FTCDNL1: variants seen among roughly 807,000 people sequenced by gnomAD.
FTCDNL1 encodes the protein formiminotransferase cyclodeaminase N-terminal like.
FTCDNL1 carries 11 observed loss-of-function variants against 5.9 expected under a neutral mutation model. The ratio of observed to expected loss-of-function variants is 1.87; its 90% CI spans 1.18 to 3.10. The LOEUF is 3.10. Among genes scored for constraint, FTCDNL1 ranks in the 30% most tolerant of loss-of-function variants. The pLI is 0.00. For synonymous variants in FTCDNL1, 58 were observed against 24.8 expected (o/e 2.34, Z -3.99); for missense variants, 115 against 65.5 (o/e 1.76, Z -2.61).
At chr2:199,844,261 A>T in intron 3 of FTCDNL1, 1 of 419,778 alleles carries the variant, frequency 2.4e-6, no homozygotes, top group Non-Finnish European at 4.3e-6. Flanking sequence ...TTGTTGATAC[A>T]GTTCTTCAAG....
the FTCDNL1 span, among the ~76,000 whole-genome samples, chr2:199,709,893 T>C: frequency 3.3e-5 from 5 of 152,264 alleles, no homozygotes; most frequent in South Asian, 8.3e-4. Flanking sequence ...AATACCTCTT[T>C]TGTAGCCATA....
rs533431029 is a variant in FTCDNL1, at chr2:199,810,208, G to C, written c.*2497C>G. On this transcript the variant is annotated 3_prime_UTR_variant, in exon 5 of 5. Transcript: ENST00000420128. Reference sequence around the variant, plus strand: ...GACAGGCCTAAGAGTCTCAGAGACAGGAGTAAATCACACCTCTGTACCCAC... The same window carrying C: ...GACAGGCCTAAGAGTCTCAGAGACACGAGTAAATCACACCTCTGTACCCAC... Among the ~76,000 whole-genome samples, 69 of 152,198 alleles carry C rather than the reference G, an allele frequency of 4.5e-4. No homozygotes were observed. Among genetic ancestry groups the C allele is most frequent in the African/African-American group, 1.4e-3 (60 of 41,516 alleles).
chr2:199,678,329 T>C, the FTCDNL1 span, among the ~76,000 whole-genome samples: 1 of 152,076 alleles, frequency 6.6e-6, no homozygotes, highest in African/African-American at 2.4e-5. Flanking sequence ...AGATAGATTA[T>C]CTTTTTAGTA....
the FTCDNL1 span, among the ~76,000 whole-genome samples, chr2:199,704,627 G>T: frequency 2.6e-5 from 4 of 152,084 alleles, no homozygotes; most frequent in Admixed American, 6.5e-5. Context: ...AAATGGGAAG[G>T]GAGAAGCACC....
At chr2:199,784,376 C>A (rs956813005) in intron 3 of FTCDNL1, among the ~76,000 whole-genome samples, 4 of 152,250 alleles carry the variant, frequency 2.6e-5, no homozygotes, top group African/African-American at 7.2e-5. Flanking sequence ...GACTGTATGC[C>A]AGGGGCTCTC....
At chr2:199,774,456 T>G (rs1490554346) in intron 3 of FTCDNL1, among the ~76,000 whole-genome samples, 1 of 152,170 alleles carries the variant, frequency 6.6e-6, no homozygotes, top group Non-Finnish European at 1.5e-5. Context: ...TGTCTCATAC[T>G]AGGCCAGGAC....
chr2:199,761,737 T>A (rs368208444), intron 3 of FTCDNL1, among the ~76,000 whole-genome samples: 2 of 152,300 alleles, frequency 1.3e-5, no homozygotes, highest in African/African-American at 4.8e-5. Flanking sequence ...CATGCTGTCT[T>A]CCTGGGTCCT....
At chr2:199,735,115 G>GAAAAAAAAAAAA in the FTCDNL1 span, among the ~76,000 whole-genome samples, 3 of 81,598 alleles carry the variant, frequency 3.7e-5, no homozygotes, top group East Asian at 4.5e-4. Flanking sequence ...ACTACCTTTA[G>GAAAAAAAAAAAA]AAAAAAAAAA....
the FTCDNL1 span, among the ~76,000 whole-genome samples, chr2:199,712,611 C>T: frequency 6.6e-6 from 1 of 152,186 alleles, no homozygotes; most frequent in Non-Finnish European, 1.5e-5. Context: ...CAAATGTAGT[C>T]TCTCCTAGCT....
At chr2:199,709,199 C>T in the FTCDNL1 span, among the ~76,000 whole-genome samples, 1 of 152,040 alleles carries the variant, frequency 6.6e-6, no homozygotes, top group Non-Finnish European at 1.5e-5. Flanking sequence ...TGACCAGATG[C>T]AAAAATCTAT....
At chr2:199,713,995 A>G in the FTCDNL1 span, among the ~76,000 whole-genome samples, 1 of 152,316 alleles carries the variant, frequency 6.6e-6, no homozygotes, top group Non-Finnish European at 1.5e-5. Flanking sequence ...GTGTCCTGTA[A>G]AAAGAGAATG....
chr2:199,677,039 G>A, the FTCDNL1 span, among the ~76,000 whole-genome samples: 6 of 152,202 alleles, frequency 3.9e-5, no homozygotes, highest in Middle Eastern at 3.4e-3. Flanking sequence ...AAGGAACACC[G>A]CTGCTCTGCT....
intron 3 of FTCDNL1, among the ~76,000 whole-genome samples, chr2:199,789,325 A>G (rs1458431947): frequency 2.6e-5 from 4 of 152,180 alleles, no homozygotes; most frequent in African/African-American, 9.6e-5. Flanking sequence ...GTTTAATGGT[A>G]ACAAATACAT....
chr2:199,757,282 G>A (rs565424231), downstream of FTCDNL1, among the ~76,000 whole-genome samples: 9 of 152,148 alleles, frequency 5.9e-5, no homozygotes, highest in South Asian at 1.7e-3. Context: ...GCTATTTTGT[G>A]AGAAAATAAA....
the FTCDNL1 span, among the ~76,000 whole-genome samples, chr2:199,751,227 G>C: frequency 6.6e-6 from 1 of 152,208 alleles, no homozygotes; most frequent in South Asian, 2.1e-4. Context: ...GGCTAATGCT[G>C]TCAGCTTTCT....
intron 3 of FTCDNL1, among the ~76,000 whole-genome samples, chr2:199,786,399 C>G (rs2106344616): frequency 6.6e-6 from 1 of 152,194 alleles, no homozygotes; most frequent in South Asian, 2.1e-4. Context: ...CATCATTTGA[C>G]TGAGGTTTAC....
chr2:199,728,539 T>G, the FTCDNL1 span, among the ~76,000 whole-genome samples: 1 of 152,130 alleles, frequency 6.6e-6, no homozygotes, highest in African/African-American at 2.4e-5. Context: ...TGAGCCACCA[T>G]GCCCAGCCTG....
downstream of FTCDNL1, among the ~76,000 whole-genome samples, chr2:199,756,237 G>T (rs1031926392): frequency 5.9e-5 from 9 of 152,174 alleles, no homozygotes; most frequent in African/African-American, 2.2e-4. Flanking sequence ...TATTAAGCTT[G>T]TGAGACATAC....
chr2:199,667,738 G>A, the FTCDNL1 span, among the ~76,000 whole-genome samples: 1 of 152,178 alleles, frequency 6.6e-6, no homozygotes, highest in Non-Finnish European at 1.5e-5. Flanking sequence ...GCTTGGTATT[G>A]AGCCAATTAA....
Sources: gnomAD v4.1 joint callset for allele counts (sites outside exome capture counted in the v4.1 genomes callset) on GRCh38, gnomAD v4.1.1 for gene constraint, MANE v1.5 for transcripts, NCBI Gene and HGNC (gene_info 2026-07-23, HGNC 2026-07-21) for gene names.